The following PCDH7 variants were observed in gnomAD, a reference collection of about 807,000 sequenced individuals.
The protein encoded by PCDH7 is protocadherin 7.
In PCDH7, 17 loss-of-function variants were observed where a neutral mutation model predicts 58.9. The ratio of observed to expected loss-of-function variants is 0.29; its 90% CI spans 0.20 to 0.43. PCDH7 has a LOEUF of 0.43. PCDH7 is among the 20% of genes least tolerant of loss of function. The pLI is 1.00. For synonymous variants in PCDH7, 664 were observed against 616.4 expected (o/e 1.08, Z -1.14); for missense variants, 1,274 against 1,441.0 (o/e 0.88, Z 1.88).
chr4:31,016,827 T>TGTGTGTGTGCTGG (rs993799872), intron 3 of PCDH7, among the ~76,000 whole-genome samples: 1 of 150,522 alleles, frequency 6.6e-6, no homozygotes, highest in Non-Finnish European at 1.5e-5. Context: ...GTGCTCGGTG[T>TGTGTGTGTGCTGG]GTGTGTGTGC....
At chr4:31,112,984 G>A (rs1368675796) in intron 3 of PCDH7, among the ~76,000 whole-genome samples, 3 of 152,104 alleles carry the variant, frequency 2.0e-5, no homozygotes, top group Non-Finnish European at 4.4e-5. Context: ...CTGTTTAGAT[G>A]AAAGCTGATT....
intron 2 of PCDH7, among the ~76,000 whole-genome samples, chr4:30,940,780 G>C (rs1319873760): frequency 6.6e-6 from 1 of 151,984 alleles, no homozygotes; most frequent in Non-Finnish European, 1.5e-5. Flanking sequence ...AATTCAGGCA[G>C]CTGATTGAAA....
At chr4:30,942,252 C>T (rs1322919829) in intron 2 of PCDH7, among the ~76,000 whole-genome samples, 1 of 151,832 alleles carries the variant, frequency 6.6e-6, no homozygotes, top group Non-Finnish European at 1.5e-5. Context: ...TTTTTGCTTG[C>T]TCTTCTTATA....
At chr4:31,034,336 A>G (rs1755205843) in intron 3 of PCDH7, among the ~76,000 whole-genome samples, 1 of 152,212 alleles carries the variant, frequency 6.6e-6, no homozygotes, top group Non-Finnish European at 1.5e-5. Context: ...TCAAAAATCT[A>G]AGCCAAGTTA....
intron 1 of PCDH7, among the ~76,000 whole-genome samples, chr4:30,771,055 C>A (rs1721335382): frequency 6.6e-6 from 1 of 152,088 alleles, no homozygotes; most frequent in African/African-American, 2.4e-5. Flanking sequence ...AAACTTATTT[C>A]TATTGGGAGC....
intron 3 of PCDH7, among the ~76,000 whole-genome samples, chr4:31,011,644 G>A (rs1188796383): frequency 6.6e-6 from 1 of 151,936 alleles, no homozygotes; most frequent in Non-Finnish European, 1.5e-5. Context: ...GGGTATATAT[G>A]AATTGTCTGA....
chr4:31,138,020 G>C (rs553125748), intron 3 of PCDH7, among the ~76,000 whole-genome samples: 7 of 152,212 alleles, frequency 4.6e-5, no homozygotes, highest in Non-Finnish European at 8.8e-5. Context: ...CTGTCTTCAA[G>C]TCTTAATGAG....
intron 1 of PCDH7, among the ~76,000 whole-genome samples, chr4:30,876,872 A>C (rs1262959145): frequency 6.6e-6 from 1 of 151,990 alleles, no homozygotes; most frequent in Non-Finnish European, 1.5e-5. Context: ...CCCTGCATGC[A>C]TTAGGTATTT....
At chr4:30,905,546 G>C (rs904778044) in intron 1 of PCDH7, among the ~76,000 whole-genome samples, 1 of 152,036 alleles carries the variant, frequency 6.6e-6, no homozygotes, top group Non-Finnish European at 1.5e-5. Flanking sequence ...TCCACACTTT[G>C]CCCAACTGGG....
intron 1 of PCDH7, among the ~76,000 whole-genome samples, chr4:30,778,431 T>G (rs1722351205): frequency 6.6e-6 from 1 of 152,162 alleles, no homozygotes; most frequent in African/African-American, 2.4e-5. Context: ...ATGTTAAAAT[T>G]ATATGCTATA....
chr4:30,882,263 A>G (rs1737075104), intron 1 of PCDH7, among the ~76,000 whole-genome samples: 1 of 139,026 alleles, frequency 7.2e-6, no homozygotes, highest in South Asian at 2.2e-4. Flanking sequence ...CTTCATCTTC[A>G]TCTTTGTCTT....
In PCDH7 at chr4:30,906,552, G is replaced by A. The variant is rs540318207; in HGVS notation, c.71-13601G>A. ...AAATGCTGCCTATAAAGGCTATACA[G>A]TATAGTTGAAAAGTCCAGAATAGTG... On this transcript the variant is annotated intron_variant, in intron 1 of 3. Coordinates refer to the PCDH7 transcript ENST00000509759. Among the ~76,000 whole-genome samples, 68 of 152,232 alleles carry A rather than the reference G, an allele frequency of 4.5e-4. No individual in the cohort carries two copies. In the South Asian group the frequency reaches 8.9e-3, roughly 20 times the overall value.
intron 1 of PCDH7, among the ~76,000 whole-genome samples, chr4:30,793,027 G>T (rs181985856): frequency 6.6e-6 from 1 of 152,270 alleles, no homozygotes; most frequent in Admixed American, 6.5e-5. Flanking sequence ...AAAATTACAT[G>T]TTAAGAAAGA....
intron 1 of PCDH7, 177 bp downstream of exon 1, chr4:30,724,773 C>T: frequency 7.0e-7 from 1 of 1,421,772 alleles, no homozygotes; most frequent in South Asian, 1.7e-5. Context: ...AAGAGGTATA[C>T]CACTGTATTT....
chr4:31,018,930 A>C (rs890755728), intron 3 of PCDH7, among the ~76,000 whole-genome samples: 1 of 152,246 alleles, frequency 6.6e-6, no homozygotes, highest in African/African-American at 2.4e-5. Flanking sequence ...AAAAGTGAAA[A>C]TATAGGTATG....
At chr4:30,986,150 G>T (rs1750948205) in intron 3 of PCDH7, among the ~76,000 whole-genome samples, 1 of 152,030 alleles carries the variant, frequency 6.6e-6, no homozygotes, top group Non-Finnish European at 1.5e-5. Flanking sequence ...TCTGCATATG[G>T]AATTCTTCTT....
chr4:30,828,588 G>A (rs899915824), intron 1 of PCDH7, among the ~76,000 whole-genome samples: 4 of 151,944 alleles, frequency 2.6e-5, no homozygotes, highest in Non-Finnish European at 1.5e-5. Flanking sequence ...ATGAAAAAAT[G>A]TGGTTTGTAA....
chr4:30,808,020 T>C (rs1388872541), intron 1 of PCDH7, among the ~76,000 whole-genome samples: 4 of 152,132 alleles, frequency 2.6e-5, no homozygotes, highest in Non-Finnish European at 5.9e-5. Flanking sequence ...TTAGCTGGTG[T>C]AGGAGGCAGG....
chr4:30,992,699 C>A (rs1280285516), intron 3 of PCDH7, among the ~76,000 whole-genome samples: 1 of 151,168 alleles, frequency 6.6e-6, no homozygotes, highest in Non-Finnish European at 1.5e-5. Flanking sequence ...AAGATGAATG[C>A]TAAAATACAT....
Sources: gnomAD v4.1 joint callset for allele counts (sites outside exome capture counted in the v4.1 genomes callset) on GRCh38, gnomAD v4.1.1 for gene constraint, MANE v1.5 for transcripts, NCBI Gene and HGNC (gene_info 2026-07-23, HGNC 2026-07-21) for gene names.